Variants in LTAP1 observed in about 807,000 individuals in gnomAD.
The protein encoded by LTAP1 is lipid transport auxiliary protein 1.
At chr1:154,207,417 A>T in the LTAP1 span, 6 of 1,607,050 alleles carry the variant, frequency 3.7e-6, no homozygotes, top group Non-Finnish European at 4.3e-6. Flanking sequence ...ATTGCAACTG[A>T]CTGGCTTAAT....
At chr1:154,220,110 C>T in the LTAP1 span, 11 of 720,556 alleles carry the variant, frequency 1.5e-5, no homozygotes, top group Non-Finnish European at 2.5e-5. Flanking sequence ...AAGAAGCCAG[C>T]AGCAGGGAGG....
chr1:154,214,714 A>G, the LTAP1 span: 10 of 601,898 alleles, frequency 1.7e-5, no homozygotes, highest in Non-Finnish European at 2.6e-5. Context: ...ATTACCAGAT[A>G]AGAGGTAAGA....
the LTAP1 span, among the ~76,000 whole-genome samples, chr1:154,214,907 C>T: frequency 3.6e-4 from 54 of 150,630 alleles, no homozygotes; most frequent in South Asian, 9.0e-3. Context: ...TGCAGTGGCG[C>T]AATCTCAGTT....
chr1:154,207,901 G>A, the LTAP1 span, among the ~76,000 whole-genome samples: 1 of 152,086 alleles, frequency 6.6e-6, no homozygotes, highest in Non-Finnish European at 1.5e-5. Flanking sequence ...AGGAGTTCGA[G>A]ACCAGCCTGG....
the LTAP1 span, among the ~76,000 whole-genome samples, chr1:154,219,029 G>A: frequency 1.3e-5 from 2 of 152,222 alleles, no homozygotes; most frequent in Admixed American, 1.3e-4. Flanking sequence ...TCAGCCAGTG[G>A]AGCTGGGTCC....
At chr1:154,207,598 T>C in the LTAP1 span, 3 of 1,613,526 alleles carry the variant, frequency 1.9e-6, no homozygotes, top group Non-Finnish European at 2.5e-6. Context: ...AGTTAGGTCT[T>C]TGGCTGCTGA....
At chr1:154,218,716 T>C in the LTAP1 span, among the ~76,000 whole-genome samples, 1 of 152,236 alleles carries the variant, frequency 6.6e-6, no homozygotes, top group African/African-American at 2.4e-5. Flanking sequence ...GAGTACCTAC[T>C]ATGTGTAGGT....
At chr1:154,219,413 A>T in the LTAP1 span, among the ~76,000 whole-genome samples, 1 of 152,210 alleles carries the variant, frequency 6.6e-6, no homozygotes, top group Non-Finnish European at 1.5e-5. Flanking sequence ...TGGTAACATG[A>T]ATGGTGGAAT....
At chr1:154,219,383 C>A in the LTAP1 span, among the ~76,000 whole-genome samples, 1 of 152,180 alleles carries the variant, frequency 6.6e-6, no homozygotes, top group South Asian at 2.1e-4. Context: ...TGGTAAACTG[C>A]CTCCTTTTCT....
At chr1:154,212,533 C>A in the LTAP1 span, 22 of 1,614,176 alleles carry the variant, frequency 1.4e-5, no homozygotes, top group East Asian at 4.2e-4. Flanking sequence ...CCTTGAAAGG[C>A]GTACTAGTGT....
the LTAP1 span, chr1:154,213,789 G>A: frequency 2.3e-6 from 2 of 858,756 alleles, no homozygotes; most frequent in South Asian, 1.6e-5. Flanking sequence ...ACTAGCCAGG[G>A]ATGTGCAGAA....
At chr1:154,213,607 T>G in the LTAP1 span, among the ~76,000 whole-genome samples, 1 of 152,248 alleles carries the variant, frequency 6.6e-6, no homozygotes, top group East Asian at 1.9e-4. Flanking sequence ...AGGTGCCACC[T>G]GTCCTTTGTG....
the LTAP1 span, among the ~76,000 whole-genome samples, chr1:154,213,532 T>C: frequency 2.6e-5 from 4 of 152,238 alleles, no homozygotes; most frequent in Non-Finnish European, 5.9e-5. Context: ...ATAAAGCATA[T>C]ATGACAAGTG....
At chr1:154,211,800 G>A in the LTAP1 span, 1 of 154,204 alleles carries the variant, frequency 6.5e-6, no homozygotes, top group Admixed American at 6.3e-5. Flanking sequence ...ATGCACACAA[G>A]AAAAATGCTA....
At chr1:154,216,241 G>A in the LTAP1 span, among the ~76,000 whole-genome samples, 7 of 151,854 alleles carry the variant, frequency 4.6e-5, no homozygotes, top group Non-Finnish European at 7.4e-5. Context: ...CTGTTTTATC[G>A]TGTCACCCTA....
the LTAP1 span, among the ~76,000 whole-genome samples, chr1:154,218,763 C>T: frequency 6.6e-6 from 1 of 152,082 alleles, no homozygotes; most frequent in Non-Finnish European, 1.5e-5. Context: ...TGGCATGGTG[C>T]CTGCATTCTT....
chr1:154,208,142 C>T, the LTAP1 span, among the ~76,000 whole-genome samples: 8 of 151,284 alleles, frequency 5.3e-5, no homozygotes, highest in South Asian at 2.1e-4. Flanking sequence ...GTCACTTATA[C>T]CTGTAATCCC....
the LTAP1 span, chr1:154,212,627 G>C: frequency 6.2e-7 from 1 of 1,613,776 alleles, no homozygotes; most frequent in Non-Finnish European, 8.5e-7. Flanking sequence ...TGGGATCTCT[G>C]TGGAGAAAAC....
At chr1:154,216,824 C>G in the LTAP1 span, among the ~76,000 whole-genome samples, 1 of 149,426 alleles carries the variant, frequency 6.7e-6, no homozygotes, top group Admixed American at 6.7e-5. Context: ...CATTTTTAAA[C>G]TTTTTATAGA....
Sources: gnomAD v4.1 joint callset for allele counts (sites outside exome capture counted in the v4.1 genomes callset) on GRCh38, gnomAD v4.1.1 for gene constraint, MANE v1.5 for transcripts, NCBI Gene and HGNC (gene_info 2026-07-23, HGNC 2026-07-21) for gene names.